The following ITGA9 variants were observed in gnomAD, a reference collection of about 807,000 sequenced individuals.
The protein encoded by ITGA9 is integrin alpha-9.
A neutral mutation model predicts 127.8 loss-of-function variants in ITGA9; 56 were observed. The ratio of observed to expected loss-of-function variants is 0.44; its 90% CI spans 0.35 to 0.55. ITGA9 has a LOEUF of 0.55. Ranked by LOEUF, ITGA9 falls within the 20% of genes least tolerant of loss-of-function variation. ITGA9 has a pLI of 0.00. For synonymous variants in ITGA9, 508 were observed against 514.5 expected, an observed-to-expected ratio of 0.99 and a Z score of 0.17; for missense variants, 1,196 against 1,347.1, an observed-to-expected ratio of 0.89 and a Z score of 1.76.
chr3:37,453,079 G>T, intron 1 of ITGA9, among the ~76,000 whole-genome samples: 1 of 149,212 alleles, frequency 6.7e-6, no homozygotes, highest in East Asian at 2.1e-4. Flanking sequence ...GGGTGTCTGG[G>T]ATCCACTGGG....
intron 14 of ITGA9, among the ~76,000 whole-genome samples, chr3:37,533,730 A>G (rs1699181691): frequency 1.3e-5 from 2 of 152,218 alleles, no homozygotes; most frequent in East Asian, 3.8e-4. Context: ...GGCTAGACTG[A>G]AGCCTCATTG....
chr3:37,727,261 G>A (rs1249572594), intron 18 of ITGA9, among the ~76,000 whole-genome samples: 2 of 152,222 alleles, frequency 1.3e-5, no homozygotes, highest in Non-Finnish European at 2.9e-5. Context: ...ACCATCATAA[G>A]TCAGGGACTA....
At chr3:37,540,638 C>T (rs1699256451) in intron 14 of ITGA9, among the ~76,000 whole-genome samples, 1 of 152,118 alleles carries the variant, frequency 6.6e-6, no homozygotes, top group Non-Finnish European at 1.5e-5. Context: ...AGTCTTGTTC[C>T]CTTTTGGGGC....
intron 10 of ITGA9, among the ~76,000 whole-genome samples, chr3:37,518,871 G>A (rs1279835187): frequency 1.6e-5 from 2 of 127,690 alleles, no homozygotes; most frequent in Non-Finnish European, 3.1e-5. Context: ...TGCAACCTCC[G>A]CTTCCCGGGT....
chr3:37,710,405 C>A (rs1277598429), intron 18 of ITGA9, among the ~76,000 whole-genome samples: 1 of 119,686 alleles, frequency 8.4e-6, no homozygotes, highest in East Asian at 2.4e-4. Flanking sequence ...AAATATCCCC[C>A]CCCCACACAC....
At chr3:37,494,302 C>T (rs562152674) in intron 4 of ITGA9, among the ~76,000 whole-genome samples, 199 bp from the exon 5 acceptor site, 70 of 152,278 alleles carry the variant, frequency 4.6e-4, no homozygotes, top group Non-Finnish European at 7.4e-4. Context: ...CCTCCCTTCC[C>T]GATGGCACCA....
intron 23 of ITGA9, among the ~76,000 whole-genome samples, chr3:37,767,009 T>A (rs1358120367): frequency 6.6e-6 from 1 of 152,212 alleles, no homozygotes; most frequent in Non-Finnish European, 1.5e-5. Flanking sequence ...TGTAAATTAA[T>A]TAAAGCCCAT....
intron 26 of ITGA9, among the ~76,000 whole-genome samples, chr3:37,793,631 A>G (rs1173682917): frequency 2.0e-5 from 3 of 152,060 alleles, no homozygotes; most frequent in African/African-American, 7.2e-5. Context: ...CAAGAAGCAG[A>G]CCCTGAGATG....
chr3:37,688,122 C>G (rs1348166607), intron 18 of ITGA9, among the ~76,000 whole-genome samples: 2 of 152,152 alleles, frequency 1.3e-5, no homozygotes, highest in East Asian at 3.9e-4. Flanking sequence ...CTAAGTAGGT[C>G]CACACTGCCT....
chr3:37,638,511 A>G (rs1160898417), intron 16 of ITGA9, among the ~76,000 whole-genome samples: 1 of 152,024 alleles, frequency 6.6e-6, no homozygotes, highest in African/African-American at 2.4e-5. Flanking sequence ...GGAGGAGGAA[A>G]GATTCTGAGA....
intron 27 of ITGA9, chr3:37,808,991 A>G (rs1697333071): frequency 6.6e-6 from 1 of 152,212 alleles, no homozygotes; most frequent in Non-Finnish European, 1.5e-5. Flanking sequence ...AGAGAGGGGA[A>G]ATAGACCCTG....
intron 18 of ITGA9, among the ~76,000 whole-genome samples, chr3:37,722,202 A>G (rs1468731215): frequency 6.6e-6 from 1 of 152,176 alleles, no homozygotes; most frequent in East Asian, 1.9e-4. Flanking sequence ...TCTCAGCTAA[A>G]TGGTACCTCC....
chr3:37,558,243 T>C (rs1222965876), intron 15 of ITGA9, among the ~76,000 whole-genome samples: 1 of 152,204 alleles, frequency 6.6e-6, no homozygotes, highest in Non-Finnish European at 1.5e-5. Context: ...AAACAATGAC[T>C]GTCACTTAAA....
At chr3:37,741,526 C>T (rs970896437) in intron 20 of ITGA9, among the ~76,000 whole-genome samples, 1 of 152,260 alleles carries the variant, frequency 6.6e-6, no homozygotes, top group Non-Finnish European at 1.5e-5. Context: ...AAACTACTTA[C>T]ACTCAAATCT....
chr3:37,532,481 C>T (rs1699162052), intron 13 of ITGA9, among the ~76,000 whole-genome samples: 1 of 152,198 alleles, frequency 6.6e-6, no homozygotes, highest in African/African-American at 2.4e-5. Flanking sequence ...GGCCAGGGCT[C>T]CTTAGAGGTA....
At chr3:37,526,609 T>G (rs955132930) in intron 13 of ITGA9, among the ~76,000 whole-genome samples, 1 of 152,220 alleles carries the variant, frequency 6.6e-6, no homozygotes, top group Non-Finnish European at 1.5e-5. Context: ...CAGAGCTTGC[T>G]GAGGCCCGTG....
chr3:37,677,569 T>G (rs1700695267), intron 17 of ITGA9, among the ~76,000 whole-genome samples: 1 of 152,248 alleles, frequency 6.6e-6, no homozygotes, highest in Non-Finnish European at 1.5e-5. Context: ...TTTATAATCT[T>G]ATAGCCAAGT....
intron 15 of ITGA9, among the ~76,000 whole-genome samples, chr3:37,595,628 C>A (rs574607435): frequency 6.6e-6 from 1 of 152,238 alleles, no homozygotes; most frequent in Non-Finnish European, 1.5e-5. Context: ...CCTCACTTGG[C>A]TTTTCCTCCA....
At chr3:37,584,177 G>T (rs906732915) in intron 15 of ITGA9, among the ~76,000 whole-genome samples, 1 of 152,212 alleles carries the variant, frequency 6.6e-6, no homozygotes, top group Admixed American at 6.5e-5. Context: ...ACGTTGGCTG[G>T]GGAAGCTGTT....
Sources: allele counts gnomAD v4.1 joint callset (sites outside exome capture counted in the v4.1 genomes callset), GRCh38; gene constraint gnomAD v4.1.1; transcripts MANE v1.5; gene names NCBI Gene and HGNC (gene_info 2026-07-23, HGNC 2026-07-21).